Variants in SERGEF observed in about 807,000 individuals in gnomAD.
SERGEF encodes secretion-regulating guanine nucleotide exchange factor.
Under a neutral mutation model 50.0 loss-of-function variants are expected in SERGEF, and 51 were observed. That is an observed-to-expected ratio of 1.02 (90% confidence interval 0.81 to 1.29). The LOEUF (loss-of-function observed/expected upper bound fraction) is 1.29, where lower values mean the gene tolerates loss of function less well. Ranked by LOEUF, SERGEF falls within the 50% of genes most tolerant of loss-of-function variation. The pLI, the probability that SERGEF is intolerant of heterozygous loss-of-function variation, is 0.00. For synonymous variants in SERGEF, 205 were observed against 212.4 expected, an observed-to-expected ratio of 0.97 and a Z score of 0.30; for missense variants, 521 against 557.0, an observed-to-expected ratio of 0.94 and a Z score of 0.65.
rs779100060 is a variant in SERGEF, at chr11:18,012,874, G to T, written c.60+77C>A. The T allele has an allele frequency of 3.9e-6, 6 of 1,525,888 alleles. No homozygotes were observed. The African/African-American group carries it at 8.3e-5, about 21-fold the overall frequency. The allele number at this position is 1,525,888 out of a possible 1,614,324, so 94.5% of individuals were successfully genotyped here. ...ACCTCAGCCGCCCAGCCCCTGAACT[G>T]CCCACGCCGCGGCCAGCAGCTCCCA... is the stretch of plus-strand genomic sequence containing the variant. On this transcript the variant is annotated intron_variant, in intron 1 of 10. Coordinates refer to ENST00000265965, the MANE Select transcript of SERGEF (RefSeq NM_012139.4).
Position 17,959,441 on chromosome 11 carries a change from G to C in SERGEF, c.1011+29C>G, listed in dbSNP as rs185853990. ...CACTGAAAGACAAGAAAAAGGGACA[G>C]ATTACATCTGTGAGAAGTCACTTCC... On this transcript the variant is annotated intron_variant, in intron 9 of 10. Coordinates refer to ENST00000265965, the MANE Select transcript of SERGEF (RefSeq NM_012139.4). 3 of 1,602,680 alleles carry C rather than the reference G, an allele frequency of 1.9e-6. No homozygotes were observed. In the African/African-American group the frequency reaches 4.0e-5, roughly 21 times the overall value.
intron 8 of SERGEF, among the ~76,000 whole-genome samples, chr11:17,988,378 G>C (rs898096912): frequency 6.6e-6 from 1 of 152,174 alleles, no homozygotes; most frequent in Admixed American, 6.5e-5. Context: ...GGACCGGAAG[G>C]AGTTAACTTA....
At chr11:17,901,065 T>C (rs1851741080) in intron 9 of SERGEF, among the ~76,000 whole-genome samples, 1 of 151,602 alleles carries the variant, frequency 6.6e-6, no homozygotes, top group Non-Finnish European at 1.5e-5. Context: ...CCCTTACTGA[T>C]CCTCCTATTT....
intron 10 of SERGEF, among the ~76,000 whole-genome samples, chr11:17,862,305 C>A (rs1373128109): frequency 6.6e-6 from 1 of 152,208 alleles, no homozygotes; most frequent in African/African-American, 2.4e-5. Flanking sequence ...AACAAAACAG[C>A]CTCAAAGTGA....
chr11:17,882,125 A>G, intron 9 of SERGEF, among the ~76,000 whole-genome samples: 1 of 152,194 alleles, frequency 6.6e-6, no homozygotes. Context: ...AAATCTTTTA[A>G]GACTGCTCAG....
chr11:17,814,869 A>T (rs2133838283), intron 10 of SERGEF, among the ~76,000 whole-genome samples: 1 of 152,328 alleles, frequency 6.6e-6, no homozygotes, highest in South Asian at 2.1e-4. Context: ...TTCAAGCAGG[A>T]TGACCTGCTT....
chr11:17,912,721 A>G (rs1050980917), intron 9 of SERGEF, among the ~76,000 whole-genome samples: 8 of 152,200 alleles, frequency 5.3e-5, no homozygotes, highest in African/African-American at 1.9e-4. Flanking sequence ...ACCCAGCTAG[A>G]TTATGAGGGA....
At chr11:17,867,620 C>T (rs1407050629) in intron 10 of SERGEF, among the ~76,000 whole-genome samples, 1 of 152,204 alleles carries the variant, frequency 6.6e-6, no homozygotes, top group Non-Finnish European at 1.5e-5. Flanking sequence ...GGCAGTGCCC[C>T]AGTAGGGAGT....
rs971677472 is a variant in SERGEF at position 17,991,916 on chromosome 11, A to G, written c.685+1015T>C. Among the ~76,000 whole-genome samples the G allele has an allele frequency of 6.6e-5, 10 of 152,196 alleles. No individual in the cohort carries two copies. The highest frequency in any genetic ancestry group is 3.3e-4 in the Admixed American group (5 of 15,280). ...CTCCTCTTTGCTTAAAAAATAGAAT[A>G]CATTCAACTCTGTGAGAGGTCTTAC... On this transcript the variant is annotated intron_variant, in intron 7 of 10. Coordinates refer to ENST00000265965, the MANE Select transcript of SERGEF (RefSeq NM_012139.4). This position sits in a 1 kb window ranked among gnomAD's most constrained non-coding sequence, Gnocchi z 4.9.
chr11:18,008,179 T>C, intron 1 of SERGEF, 103 bp from the exon 2 acceptor site: 1 of 1,174,820 alleles, frequency 8.5e-7, no homozygotes, highest in South Asian at 2.0e-5. Context: ...TCTCAGACCC[T>C]GTAACAGATG....
chr11:17,988,845 AAAG>A, intron 7 of SERGEF, 90 bp from the exon 8 acceptor site: 1 of 1,348,932 alleles, frequency 7.4e-7, no homozygotes, highest in Non-Finnish European at 1.0e-6. Flanking sequence ...TAAGTGGTTA[AAAG>A]AAGTTGTTTT....
At chr11:17,998,452 T>C (rs1322634045) in intron 5 of SERGEF, among the ~76,000 whole-genome samples, 2,596 of 48,572 alleles carry the variant, frequency 0.053, 39 homozygotes, top group Middle Eastern at 0.17. Flanking sequence ...TATATATATA[T>C]ATATATATAT....
chr11:17,792,111 G>A (rs1454910651), intron 10 of SERGEF, among the ~76,000 whole-genome samples: 1 of 152,232 alleles, frequency 6.6e-6, no homozygotes, highest in Non-Finnish European at 1.5e-5. Context: ...TCTATCAAGA[G>A]GGTAGCTGGC....
At chr11:17,999,675 T>C (rs943746018) in intron 5 of SERGEF, 3 of 413,020 alleles carry the variant, frequency 7.3e-6, no homozygotes, top group African/African-American at 6.2e-5. Flanking sequence ...ACACACAGAC[T>C]GTCAGTCCCA....
chr11:18,001,914 A>G (rs1853970133), intron 4 of SERGEF: 1 of 446,372 alleles, frequency 2.2e-6, no homozygotes, highest in Admixed American at 2.5e-5. Context: ...AAACTTTAGG[A>G]CCCTCAAGGG....
chr11:17,888,672 CACACACG>C lies in SERGEF; in HGVS notation c.1012-10435_1012-10429del, dbSNP rs1851478352. ...ACACACACACACACACACACACACA[CACACACG>C]CATTGAGTTAAACCAACATGAAATT... On this transcript the variant is annotated intron_variant, in intron 9 of 10. Coordinates refer to ENST00000265965, the MANE Select transcript of SERGEF (RefSeq NM_012139.4). This position sits in a 1 kb window ranked among gnomAD's most constrained non-coding sequence, Gnocchi z 4.1. 8.3e-6 allele frequency among the ~76,000 whole-genome samples: 1 copy of C among 120,038 alleles called. No homozygotes were observed. The highest frequency in any genetic ancestry group is 1.8e-5 in the Non-Finnish European group (1 of 55,696). The allele number at this position is 120,038 out of a possible 152,430, so 78.7% of individuals were successfully genotyped here.
At chr11:17,808,318 C>T (rs1439131155) in intron 10 of SERGEF, among the ~76,000 whole-genome samples, 2 of 152,156 alleles carry the variant, frequency 1.3e-5, no homozygotes, top group African/African-American at 2.4e-5. Context: ...GTGGTGCCAG[C>T]ATCTGTTTCT....
intron 9 of SERGEF, among the ~76,000 whole-genome samples, chr11:17,909,090 G>A (rs1851903355): frequency 6.6e-6 from 1 of 152,218 alleles, no homozygotes. Context: ...CTGGTAGAAG[G>A]AGCCAGGAGT....
intron 10 of SERGEF, among the ~76,000 whole-genome samples, chr11:17,836,942 C>T (rs1404021499): frequency 6.6e-6 from 1 of 152,170 alleles, no homozygotes; most frequent in African/African-American, 2.4e-5. Flanking sequence ...CAGCAGAACA[C>T]CAGCCACAGA....
Sources: allele counts gnomAD v4.1 joint callset (sites outside exome capture counted in the v4.1 genomes callset), GRCh38; gene constraint gnomAD v4.1.1; non-coding constraint Gnocchi (gnomAD v3.1); transcripts MANE v1.5; gene names NCBI Gene and HGNC (gene_info 2026-07-23, HGNC 2026-07-21).